CCN5: variants seen among roughly 807,000 people sequenced by gnomAD.
CCN5 encodes the protein cellular communication network factor 5, also known as CCN family member 5.
In CCN5, 17 loss-of-function variants were observed where a neutral mutation model predicts 18.7. The ratio of observed to expected loss-of-function variants is 0.91; its 90% CI spans 0.62 to 1.36. CCN5 has a LOEUF of 1.36. Ranked by LOEUF, CCN5 falls within the 40% of genes most tolerant of loss-of-function variation. The probability of loss-of-function intolerance (pLI) is 0.00; values close to 1 mark genes in which losing one functional copy is unlikely to be tolerated. For synonymous variants in CCN5, 135 were observed against 145.2 expected, an observed-to-expected ratio of 0.93 and a Z score of 0.50; for missense variants, 367 against 342.9, an observed-to-expected ratio of 1.07 and a Z score of -0.56.
intron 2 of CCN5, among the ~76,000 whole-genome samples, chr20:44,722,887 G>A (rs2065909876): frequency 6.6e-6 from 1 of 152,046 alleles, no homozygotes; most frequent in African/African-American, 2.4e-5. Context: ...TCATTGGCCT[G>A]GATTTTGCAG....
chr20:44,717,893 AAAAAAAGAAAG>A (rs1308580334), intron 1 of CCN5, among the ~76,000 whole-genome samples: 2 of 151,900 alleles, frequency 1.3e-5, no homozygotes, highest in African/African-American at 4.8e-5. Flanking sequence ...AAGAAAAAAA[AAAAAAAGAAAG>A]AAAAAGAAAA....
chr20:44,725,869 T>A (rs1023689983), intron 3 of CCN5, among the ~76,000 whole-genome samples: 2 of 152,202 alleles, frequency 1.3e-5, no homozygotes, highest in African/African-American at 2.4e-5. Flanking sequence ...GTTGTTGCTG[T>A]GTTGCTTTTT....
At chr20:44,715,266 C>A, upstream of CCN5, 1 of 536,052 alleles carries the variant, frequency 1.9e-6, no homozygotes. Flanking sequence ...TGTGTGAGCG[C>A]GCGCGCGCGC....
At position 44,727,140 on chromosome 20, in the gene CCN5, G is replaced by T. The variant is rs751942868; in HGVS notation, c.586G>T (p.Glu196Ter). 5.3e-5 allele frequency: 86 copies of T among 1,612,572 alleles called. No individual in the cohort carries two copies. The highest frequency in any genetic ancestry group is 6.9e-5 in the Non-Finnish European group (81 of 1,179,274). The change falls in exon 4 of 4, where the codon GAA (glutamate) becomes TAA (stop). Residue 196 changes from glutamate to a stop codon, truncating the protein, a stop_gained. Transcript: ENST00000190983. LOFTEE classifies it low-confidence loss of function (END_TRUNC). The part of the protein sequence containing the change: ...SSLPPGVPCP[E>*]WSTAWGPCST... ...CCTGCCCCCTGGTGTCCCCTGCCCAGAATGGAGCACGGCCTGGGGACCCTG... is the reference window on the plus strand; with the variant it reads ...CCTGCCCCCTGGTGTCCCCTGCCCATAATGGAGCACGGCCTGGGGACCCTG...
In CCN5 at chr20:44,724,841, C is replaced by G. The variant is rs765044545; in HGVS notation, c.381C>G (p.Gly127=). The change falls in exon 3 of 4, where the codon GGC becomes GGG. Residue 127 remains glycine, a synonymous_variant. Coordinates refer to ENST00000190983, the MANE Select transcript of CCN5 (RefSeq NM_003881.4). ...CSIRCRCEDG[G]FTCVPLCSED... is the part of the protein sequence containing the mutation. ...TCCGCTGCCGCTGCGAGGACGGCGG[C>G]TTCACCTGCGTGCCGCTGTGCAGCG... 14 of 1,602,090 alleles carry G rather than the reference C, an allele frequency of 8.7e-6. 1 individual carries two copies. In the South Asian group the frequency reaches 1.5e-4, roughly 17 times the overall value.
chr20:44,715,504 G>A (rs1568876991), intron 1 of CCN5, 54 bp downstream of exon 1: 1 of 1,543,352 alleles, frequency 6.5e-7, no homozygotes, highest in Admixed American at 1.9e-5. Context: ...TGTGGAGGGG[G>A]TGGGGATGTA....
At chr20:44,726,943 C>T (rs1281803142) in intron 3 of CCN5, 144 bp from the exon 4 acceptor site, 1 of 770,858 alleles carries the variant, frequency 1.3e-6, no homozygotes, top group East Asian at 2.7e-5. Context: ...ATGCCATCCA[C>T]TGTTAAGAAA....
At chr20:44,722,593 A>G (rs2065907736) in intron 2 of CCN5, among the ~76,000 whole-genome samples, 1 of 151,486 alleles carries the variant, frequency 6.6e-6, no homozygotes, top group Non-Finnish European at 1.5e-5. Flanking sequence ...CAGCCTCCCA[A>G]GTAGCTGGGA....
At chr20:44,726,020 C>T (rs984898365) in intron 3 of CCN5, among the ~76,000 whole-genome samples, 2 of 152,158 alleles carry the variant, frequency 1.3e-5, no homozygotes, top group Non-Finnish European at 2.9e-5. Flanking sequence ...CCCCGCCATC[C>T]CCTTTTTGCT....
At chr20:44,718,673 G>A (rs1478267782) in intron 1 of CCN5, among the ~76,000 whole-genome samples, 2 of 152,100 alleles carry the variant, frequency 1.3e-5, no homozygotes, top group Non-Finnish European at 1.5e-5. Context: ...CCCCCATCCC[G>A]TGTCCCTGAG....
Position 44,715,464 on chromosome 20 carries a change from G to A in CCN5, c.60+14G>A, listed in dbSNP as rs1429723731. On this transcript the variant is annotated intron_variant, in intron 1 of 3. Coordinates refer to ENST00000190983, the MANE Select transcript of CCN5 (RefSeq NM_003881.4). ...CTCCTCTCAAAGGTAAGGAGGCCCG[G>A]GCCCTGGAATGCACTGCTGACTATT... The A allele has an allele frequency of 1.3e-6, 2 of 1,585,876 alleles. No individual in the cohort carries two copies. Among genetic ancestry groups the A allele is most frequent in the Non-Finnish European group, 1.7e-6 (2 of 1,165,748 alleles).
chr20:44,722,344 C>T (rs544701164), intron 2 of CCN5, among the ~76,000 whole-genome samples: 25 of 152,262 alleles, frequency 1.6e-4, no homozygotes, highest in Non-Finnish European at 2.5e-4. Context: ...CATCCAATGC[C>T]GGGATCCTGA....
At position 44,719,006 on chromosome 20, in the gene CCN5, G is replaced by A. The variant is rs556915842; in HGVS notation, c.61-891G>A. ...AGCTGGGACACATGCTGAATGGATC[G>A]AAAGGCCAAAAACATCCATGATATG... is the stretch of plus-strand genomic sequence containing the variant. On this transcript the variant is annotated intron_variant, in intron 1 of 3. Coordinates refer to ENST00000190983, the MANE Select transcript of CCN5 (RefSeq NM_003881.4). Among the ~76,000 whole-genome samples, 5 of 152,300 alleles carry A rather than the reference G, an allele frequency of 3.3e-5. No homozygotes were observed. The East Asian group carries it at 7.7e-4, about 23-fold the overall frequency.
chr20:44,719,782 C>A, intron 1 of CCN5, 115 bp from the exon 2 acceptor site: 1 of 1,107,166 alleles, frequency 9.0e-7, no homozygotes. Flanking sequence ...CTGCATGGCT[C>A]TGAGGCTAAG....
chr20:44,727,090 C>A lies in CCN5; in HGVS notation c.536C>A (p.Pro179His). The change falls in exon 4 of 4, where the codon CCC becomes CAC. Residue 179 changes from proline to histidine, a missense_variant. Coordinates refer to ENST00000190983, the MANE Select transcript of CCN5 (RefSeq NM_003881.4). ...ACTCTTGTTCTTTCCCCCCTAGGACCCCAGTTTTCTGGCCTTGTCTCTTCC... is the reference window on the plus strand; with the variant it reads ...ACTCTTGTTCTTTCCCCCCTAGGACACCAGTTTTCTGGCCTTGTCTCTTCC... Reference protein sequence around the residue: ...LGTQPLPAQGPQFSGLVSSLP... With the variant: ...LGTQPLPAQGHQFSGLVSSLP... 2 of 1,581,584 alleles carry A rather than the reference C, an allele frequency of 1.3e-6. No individual in the cohort carries two copies. Among genetic ancestry groups the A allele is most frequent in the East Asian group, 2.3e-5 (1 of 44,130 alleles).
rs768872478 is a variant in CCN5, at chr20:44,727,269, C to T, written c.715C>T (p.Pro239Ser). 12 of 1,613,536 alleles carry T rather than the reference C, an allele frequency of 7.4e-6. No individual in the cohort carries two copies. Among genetic ancestry groups the T allele is most frequent in the South Asian group, 1.1e-5 (1 of 91,018 alleles). Reference protein sequence around the residue: ...RRLCLSRPCPPSRGRSPQNSA... With the variant: ...RRLCLSRPCPSSRGRSPQNSA... ...CCTGTGCCTGTCCAGGCCCTGCCCA[C>T]CCTCCAGGGGTCGCAGTCCACAAAA... The change falls in exon 4 of 4, where the codon CCC (proline) becomes TCC (serine). Residue 239 changes from proline to serine, a missense_variant. Coordinates refer to ENST00000190983, the MANE Select transcript of CCN5 (RefSeq NM_003881.4).
chr20:44,715,278 CGCGT>C (rs34325679), upstream of CCN5: 6,358 of 772,670 alleles, frequency 8.2e-3, 181 homozygotes, highest in African/African-American at 0.027. Flanking sequence ...CGCGCGCGCG[CGCGT>C]GTGTACTCGT....
chr20:44,725,090 C>T (rs2065927643), intron 3 of CCN5, 98 bp downstream of exon 3: 5 of 1,394,782 alleles, frequency 3.6e-6, no homozygotes, highest in Non-Finnish European at 4.7e-6. Context: ...GGTACCAGGA[C>T]CCAGGGACAC....
intron 2 of CCN5, among the ~76,000 whole-genome samples, chr20:44,723,445 AT>A (rs1329095252): frequency 6.6e-6 from 1 of 151,938 alleles, no homozygotes; most frequent in Non-Finnish European, 1.5e-5. Flanking sequence ...GAGAGGCAAA[AT>A]AACTTGCCCC....
Sources: gnomAD v4.1 joint callset for allele counts (sites outside exome capture counted in the v4.1 genomes callset) on GRCh38, gnomAD v4.1.1 for gene constraint, MANE v1.5 for transcripts, NCBI Gene and HGNC (gene_info 2026-07-23, HGNC 2026-07-21) for gene names.